Variants in STARD3 observed in about 807,000 individuals in gnomAD.
STARD3 encodes StAR related lipid transfer domain containing 3.
Under a neutral mutation model 62.0 loss-of-function variants are expected in STARD3, and 39 were observed. The ratio of observed to expected loss-of-function variants is 0.63; its 90% CI spans 0.49 to 0.82. The LOEUF is 0.82. STARD3 is among the 40% of genes least tolerant of loss of function. STARD3 has a pLI of 0.00. For missense variants in STARD3, 543 were observed against 584.5 expected, an observed-to-expected ratio of 0.93 and a Z score of 0.73; for synonymous variants, 229 against 242.4, an observed-to-expected ratio of 0.94 and a Z score of 0.51.
At chr17:39,656,970 C>A in intron 2 of STARD3, 38 bp from the exon 3 acceptor site, 8 of 1,609,930 alleles carry the variant, frequency 5.0e-6, no homozygotes, top group African/African-American at 4.0e-5. Flanking sequence ...CAGGCCCTTG[C>A]TTCTACCTGC....
rs754181267 is a variant in STARD3 at position 39,660,948 on chromosome 17, C to T, written c.1035-33C>T. The T allele has an allele frequency of 6.2e-7, 1 of 1,611,774 alleles. No homozygotes were observed. Among genetic ancestry groups the T allele is most frequent in the Admixed American group, 1.7e-5 (1 of 59,976 alleles). On this transcript the variant is annotated intron_variant, in intron 12 of 14. Transcript: ENST00000336308. The surrounding 1 kb of genome is among the most constrained non-coding windows in gnomAD (Gnocchi z 4.8). ...GGTCTTCTGCACTTTGGCCTTGGGT[C>T]ATTGTCCCCTGAACTAACCCTCCCT...
chr17:39,638,453 A>G (rs1364567095), intron 1 of STARD3, among the ~76,000 whole-genome samples: 2 of 152,210 alleles, frequency 1.3e-5, no homozygotes, highest in Non-Finnish European at 2.9e-5. Context: ...GCACTGCAGC[A>G]TGCGCCATGC....
At chr17:39,642,371 G>A (rs994217550) in intron 1 of STARD3, among the ~76,000 whole-genome samples, 3 of 152,208 alleles carry the variant, frequency 2.0e-5, no homozygotes. Context: ...TGGAGGGAGT[G>A]CCTGGGCTCT....
At chr17:39,638,572 C>A (rs900786566) in intron 1 of STARD3, among the ~76,000 whole-genome samples, 1 of 152,222 alleles carries the variant, frequency 6.6e-6, no homozygotes, top group Non-Finnish European at 1.5e-5. Flanking sequence ...TTTTTCAGCG[C>A]AGGCAGCGCT....
At position 39,658,793 on chromosome 17, in the gene STARD3, T is replaced by C; in HGVS notation, c.619T>C (p.Phe207Leu). Residue 207 changes from phenylalanine (F) to leucine (L), a missense_variant, in exon 7 of 15, where the codon TTC becomes CTC. Coordinates refer to ENST00000336308, the MANE Select transcript of STARD3 (RefSeq NM_006804.4). Reference protein sequence around the residue: ...LFSGALSEGQFYSPPESFAGS... With the variant: ...LFSGALSEGQLYSPPESFAGS... ...CTCCGGTGCTCTGTCCGAGGGACAG[T>C]TCTATTCACCCCCAGAATCCTTTGC... 6.2e-7 allele frequency: 1 copy of C among 1,613,922 alleles called. No homozygotes were observed. The highest frequency in any genetic ancestry group is 8.5e-7 in the Non-Finnish European group (1 of 1,179,966).
chr17:39,663,715 C>T lies in STARD3; in HGVS notation c.*807C>T, dbSNP rs762175286. On this transcript the variant is annotated 3_prime_UTR_variant, in exon 15 of 15. Transcript: ENST00000336308. Reference sequence around the variant, plus strand: ...CTGGTCAGAAAAAAATGCCCCGCCCCCTGCCAGGCTTCAGCGGGGCAAGTT... The same window carrying T: ...CTGGTCAGAAAAAAATGCCCCGCCCTCTGCCAGGCTTCAGCGGGGCAAGTT... 2.6e-5 allele frequency among the ~76,000 whole-genome samples: 4 copies of T among 151,658 alleles called. No individual in the cohort carries two copies. Among genetic ancestry groups the T allele is most frequent in the Non-Finnish European group, 5.9e-5 (4 of 67,872 alleles).
intron 1 of STARD3, among the ~76,000 whole-genome samples, chr17:39,648,712 C>T (rs1048140601): frequency 4.3e-4 from 66 of 152,236 alleles, no homozygotes; most frequent in African/African-American, 1.6e-3. Context: ...CAACTGTCCC[C>T]GCCCCTGCCT....
chr17:39,644,379 C>T (rs115353852), intron 1 of STARD3, among the ~76,000 whole-genome samples: 155 of 152,192 alleles, frequency 1.0e-3, no homozygotes, highest in Middle Eastern at 3.4e-3. Flanking sequence ...TGTGGTTAGA[C>T]GTTAACCAGT....
Position 39,653,742 on chromosome 17 carries a change from G to C in STARD3, c.211G>C (p.Glu71Gln), listed in dbSNP as rs370238096. The change falls in exon 2 of 15, where the codon GAA becomes CAA. Residue 71 changes from glutamate (E) to glutamine (Q), a missense_variant. By Grantham distance (29) the Glu-to-Gln change is conservative (BLOSUM62 2). Transcript: ENST00000336308. ...CTTCATCTCCCTGCTCTGGATCATC[G>C]AACTGAATGTGAGTGGGGGCGAGGT... ...LLFISLLWII[E>Q]LNTNTGIRKN... The C allele has an allele frequency of 1.9e-6, 3 of 1,613,996 alleles. No individual in the cohort carries two copies. Among genetic ancestry groups the C allele is most frequent in the Non-Finnish European group, 2.5e-6 (3 of 1,180,004 alleles).
chr17:39,643,279 C>A (rs2056996685), intron 1 of STARD3, among the ~76,000 whole-genome samples: 1 of 152,102 alleles, frequency 6.6e-6, no homozygotes, highest in African/African-American at 2.4e-5. Flanking sequence ...ACACACTGTC[C>A]CCCAGCTAGC....
At chr17:39,645,881 C>CTTTTTTTTTTT (rs71147368) in intron 1 of STARD3, among the ~76,000 whole-genome samples, 5 of 55,616 alleles carry the variant, frequency 9.0e-5, no homozygotes, top group African/African-American at 4.5e-4. Context: ...GGATTCTTGC[C>CTTTTTTTTTTT]TTTTTTTTTT....
At chr17:39,656,770 A>C in intron 2 of STARD3, 1 of 523,060 alleles carries the variant, frequency 1.9e-6, no homozygotes, top group East Asian at 3.3e-5. Context: ...GGGTGCTGGA[A>C]GCTAGCCCTG....
rs2057184935 is a variant in STARD3 at position 39,660,526 on chromosome 17, G to A, written c.954G>A (p.Gln318=). 6.2e-7 allele frequency: 1 copy of A among 1,613,772 alleles called. No individual in the cohort carries two copies. The highest frequency in any genetic ancestry group is 1.3e-5 in the African/African-American group (1 of 74,932). The change falls in exon 11 of 15, where the codon CAG becomes CAA. Residue 318 remains glutamine (Q), a splice_region_variant and synonymous_variant. Coordinates refer to ENST00000336308, the MANE Select transcript of STARD3 (RefSeq NM_006804.4). This position sits in a 1 kb window ranked among gnomAD's most constrained non-coding sequence, Gnocchi z 4.8. ...VLWNKTVTAC[Q]ILQRVEDNTL... is the part of the protein sequence containing the mutation. ...GGAACAAGACAGTGACTGCCTGCCA[G>A]GTGAGCCCAGTCTGGCTGCCTCTTA...
chr17:39,660,777 C>T lies in STARD3; in HGVS notation c.955-33C>T, dbSNP rs201716882. The stretch of plus-strand genomic sequence containing the variant: ...CATCCCTGGGGTTTTCCTGGGGCGA[C>T]CTGTTCCAAAAGTCTCCGTTGACGG... On this transcript the variant is annotated intron_variant, in intron 11 of 14. Coordinates refer to ENST00000336308, the MANE Select transcript of STARD3 (RefSeq NM_006804.4). The surrounding 1 kb of genome is among the most constrained non-coding windows in gnomAD (Gnocchi z 4.8). The T allele has an allele frequency of 3.8e-5, 59 of 1,549,066 alleles. No individual in the cohort carries two copies. Among genetic ancestry groups the T allele is most frequent in the Non-Finnish European group, 4.9e-5 (56 of 1,148,082 alleles).
intron 1 of STARD3, among the ~76,000 whole-genome samples, chr17:39,638,082 C>G (rs528899811): frequency 6.6e-6 from 1 of 152,320 alleles, no homozygotes; most frequent in East Asian, 1.9e-4. Context: ...CCAACCCAGC[C>G]GGAAGTCTGG....
At chr17:39,656,264 T>C (rs2934958) in intron 2 of STARD3, among the ~76,000 whole-genome samples, 7,863 of 152,276 alleles carry the variant, frequency 0.052, 262 homozygotes, top group African/African-American at 0.07. Flanking sequence ...CCAGAGTCCC[T>C]GTGTCCTCCC....
chr17:39,646,043 C>T (rs1461892586), intron 1 of STARD3, among the ~76,000 whole-genome samples: 1 of 151,566 alleles, frequency 6.6e-6, no homozygotes, highest in Non-Finnish European at 1.5e-5. Context: ...AGGTGCACAC[C>T]ACCACACCCG....
intron 2 of STARD3, 72 bp from the exon 3 acceptor site, chr17:39,656,936 C>CT: frequency 6.7e-7 from 1 of 1,502,106 alleles, no homozygotes; most frequent in Non-Finnish European, 9.3e-7. Context: ...CCTCTTGCCC[C>CT]TTCCGGGAGG....
chr17:39,649,431 G>A (rs73294088), intron 1 of STARD3, among the ~76,000 whole-genome samples: 7,816 of 152,250 alleles, frequency 0.051, 263 homozygotes, highest in African/African-American at 0.069. Context: ...ATAAAATGGA[G>A]TACCAAGCAT....
Sources: gnomAD v4.1 joint callset for allele counts (sites outside exome capture counted in the v4.1 genomes callset) on GRCh38, gnomAD v4.1.1 for gene constraint, Gnocchi (gnomAD v3.1) non-coding constraint, MANE v1.5 for transcripts, NCBI Gene and HGNC (gene_info 2026-07-23, HGNC 2026-07-21) for gene names.